ZNF407: variants seen among roughly 807,000 people sequenced by gnomAD.
ZNF407 encodes the protein zinc finger protein 407.
Under a neutral mutation model 131.2 loss-of-function variants are expected in ZNF407, and 17 were observed. The ratio of observed to expected loss-of-function variants is 0.13; its 90% CI spans 0.09 to 0.19. ZNF407 has a LOEUF of 0.19. Ranked by LOEUF, ZNF407 falls within the 10% of genes least tolerant of loss-of-function variation. The probability of loss-of-function intolerance (pLI) is 1.00; values close to 1 mark genes in which losing one functional copy is unlikely to be tolerated. For synonymous variants in ZNF407, 1,156 were observed against 1,062.0 expected, an observed-to-expected ratio of 1.09 and a Z score of -1.72; for missense variants, 2,681 against 2,830.6, an observed-to-expected ratio of 0.95 and a Z score of 1.20.
At position 74,872,672 on chromosome 18, in the gene ZNF407, G is replaced by A. The variant is rs141352721; in HGVS notation, c.4878-4525G>A. ...CTTGGGAGGCTGAAGCAGGGGAATC[G>A]CTTGAACTGGGAGGCAGAAGTTGCA... On this transcript the variant is annotated intron_variant, in intron 4 of 8. Coordinates refer to ENST00000299687, the MANE Select transcript of ZNF407 (RefSeq NM_017757.3). Among the ~76,000 whole-genome samples the A allele has an allele frequency of 3.1e-3, 468 of 150,772 alleles. 3 individuals are homozygous for A. The highest frequency in any genetic ancestry group is 0.011 in the African/African-American group (459 of 40,984).
At chr18:74,698,280 A>G (rs1370174069) in intron 3 of ZNF407, among the ~76,000 whole-genome samples, 1 of 152,230 alleles carries the variant, frequency 6.6e-6, no homozygotes, top group Non-Finnish European at 1.5e-5. Flanking sequence ...CATTCTATCT[A>G]GTGATTCAAT....
At chr18:74,804,218 A>C in intron 4 of ZNF407, 1 of 1,279,390 alleles carries the variant, frequency 7.8e-7, no homozygotes, top group East Asian at 2.9e-5. Context: ...ACACAAATGT[A>C]GGCTAGTCTA....
chr18:74,887,917 T>C (rs1305661690), intron 6 of ZNF407, among the ~76,000 whole-genome samples: 1 of 152,108 alleles, frequency 6.6e-6, no homozygotes, highest in African/African-American at 2.4e-5. Context: ...TACCACCAAA[T>C]GGGTTGTGTA....
chr18:74,798,444 C>T (rs1048440096), intron 4 of ZNF407, among the ~76,000 whole-genome samples: 3 of 151,910 alleles, frequency 2.0e-5, no homozygotes, highest in South Asian at 2.1e-4. Context: ...TATTTTTTTA[C>T]CAGTTAGTCT....
chr18:74,761,998 A>G (rs1969106617), intron 3 of ZNF407, among the ~76,000 whole-genome samples: 3 of 152,142 alleles, frequency 2.0e-5, no homozygotes, highest in Non-Finnish European at 4.4e-5. Flanking sequence ...TTATAGTCGT[A>G]GAAGGGAAAA....
intron 4 of ZNF407, 129 bp from the exon 5 acceptor site, chr18:74,877,068 C>T (rs1467403400): frequency 1.1e-5 from 8 of 735,882 alleles, no homozygotes; most frequent in Non-Finnish European, 1.9e-5. Context: ...ACATGACAGA[C>T]CAGGCCTGCA....
At chr18:74,855,105 A>G (rs540284659) in intron 4 of ZNF407, among the ~76,000 whole-genome samples, 1 of 152,298 alleles carries the variant, frequency 6.6e-6, no homozygotes, top group South Asian at 2.1e-4. Flanking sequence ...AACTCAACCT[A>G]TAAATAAGTT....
At chr18:74,960,016 T>C (rs1425100296) in intron 8 of ZNF407, among the ~76,000 whole-genome samples, 1 of 152,226 alleles carries the variant, frequency 6.6e-6, no homozygotes, top group Non-Finnish European at 1.5e-5. Flanking sequence ...CACAAGTGCT[T>C]TCACCCCATT....
At chr18:74,851,011 T>A (rs1970775235) in intron 4 of ZNF407, among the ~76,000 whole-genome samples, 1 of 152,226 alleles carries the variant, frequency 6.6e-6, no homozygotes, top group South Asian at 2.1e-4. Flanking sequence ...ATAAGGATTC[T>A]TTTTGCCTGT....
chr18:74,784,574 C>T (rs1969668840), intron 4 of ZNF407, among the ~76,000 whole-genome samples: 1 of 152,174 alleles, frequency 6.6e-6, no homozygotes, highest in Admixed American at 6.5e-5. Flanking sequence ...CCTACATCTG[C>T]ATTAAATTAT....
chr18:74,810,420 T>G (rs180929759), intron 4 of ZNF407, among the ~76,000 whole-genome samples: 1 of 152,020 alleles, frequency 6.6e-6, no homozygotes, highest in Non-Finnish European at 1.5e-5. Context: ...AGGATTCTGC[T>G]GTGAAATTCA....
chr18:74,843,012 G>C (rs117989108), intron 4 of ZNF407, among the ~76,000 whole-genome samples: 2 of 152,076 alleles, frequency 1.3e-5, no homozygotes, highest in Non-Finnish European at 2.9e-5. Flanking sequence ...CACCGTGCCT[G>C]GCCCTTCTGT....
chr18:74,776,856 T>C (rs555472211), intron 3 of ZNF407, among the ~76,000 whole-genome samples: 1 of 152,312 alleles, frequency 6.6e-6, no homozygotes, highest in South Asian at 2.1e-4. Flanking sequence ...ATTAAGATAA[T>C]CATAGGGAAG....
chr18:74,953,824 T>C (rs1972244299), intron 8 of ZNF407, among the ~76,000 whole-genome samples: 1 of 152,210 alleles, frequency 6.6e-6, no homozygotes, highest in Admixed American at 6.5e-5. Flanking sequence ...AAATTTGTTT[T>C]TGATAGGCTT....
intron 4 of ZNF407, among the ~76,000 whole-genome samples, chr18:74,835,697 G>C: frequency 6.6e-6 from 1 of 151,442 alleles, no homozygotes; most frequent in East Asian, 1.9e-4. Flanking sequence ...GTCCAGGGTT[G>C]ACTGTAGGTA....
intron 1 of ZNF407, 171 bp downstream of exon 1, chr18:74,598,108 C>G (rs1000390646): frequency 6.6e-6 from 1 of 151,722 alleles, no homozygotes; most frequent in Non-Finnish European, 1.5e-5. Context: ...TCCGCCCCTC[C>G]CTGTCGCCTT....
At chr18:75,004,003 C>G (rs1406450294) in intron 8 of ZNF407, among the ~76,000 whole-genome samples, 4 of 152,270 alleles carry the variant, frequency 2.6e-5, no homozygotes, top group Admixed American at 2.6e-4. Context: ...CCCCAAAGGC[C>G]GTGAAGTCCT....
At position 74,632,856 on chromosome 18, in the gene ZNF407, A is replaced by G; in HGVS notation, c.1837A>G (p.Met613Val). 6.2e-7 allele frequency: 1 copy of G among 1,613,644 alleles called. No homozygotes were observed. Among genetic ancestry groups the G allele is most frequent in the Non-Finnish European group, 8.5e-7 (1 of 1,179,866 alleles). The change falls in exon 2 of 9, where the codon ATG (methionine) becomes GTG (valine). Residue 613 changes from methionine (M) to valine (V), a missense_variant. Physicochemically the swap from Met to Val is conservative, Grantham distance 21 (BLOSUM62 1). This residue lies in a region of ZNF407 where 1,789 missense variants were observed against 1,748.7 expected (regional missense o/e 1.02). Coordinates refer to ENST00000299687, the MANE Select transcript of ZNF407 (RefSeq NM_017757.3). Reference protein sequence around the residue: ...LRDHMKEKHNMHFLCTPCNLF... With the variant: ...LRDHMKEKHNVHFLCTPCNLF... ...AGACCACATGAAGGAAAAGCACAAT[A>G]TGCATTTTCTTTGCACCCCTTGTAA...
At chr18:74,693,669 G>A (rs1189921252) in intron 3 of ZNF407, among the ~76,000 whole-genome samples, 6 of 151,940 alleles carry the variant, frequency 3.9e-5, no homozygotes, top group Non-Finnish European at 7.4e-5. Flanking sequence ...TTGCTTTTCA[G>A]CAATTAGTAT....
Sources: gnomAD v4.1 joint callset for allele counts (sites outside exome capture counted in the v4.1 genomes callset) on GRCh38, gnomAD v4.1.1 for gene constraint, gnomAD v4.1.1 regional missense constraint, MANE v1.5 for transcripts, NCBI Gene and HGNC (gene_info 2026-07-23, HGNC 2026-07-21) for gene names.